The following RBMS3 variants were observed in gnomAD, a reference collection of about 807,000 sequenced individuals.
RBMS3 encodes the protein RNA binding motif single stranded interacting protein 3, also known as RNA-binding motif, single-stranded-interacting protein 3.
In RBMS3, 27 loss-of-function variants were observed where a neutral mutation model predicts 66.8. The observed-to-expected ratio is 0.40, with a 90% confidence interval of 0.30 to 0.56. RBMS3 has a LOEUF of 0.56. RBMS3 is among the 20% of genes least tolerant of loss of function. The probability of loss-of-function intolerance (pLI) is 0.40; values close to 1 mark genes in which losing one functional copy is unlikely to be tolerated. For missense variants in RBMS3, 513 were observed against 549.5 expected, an observed-to-expected ratio of 0.93 and a Z score of 0.66; for synonymous variants, 188 against 183.0, an observed-to-expected ratio of 1.03 and a Z score of -0.22.
At chr3:29,828,988 TTC>T (rs1035221998) in intron 6 of RBMS3, among the ~76,000 whole-genome samples, 3 of 39,170 alleles carry the variant, frequency 7.7e-5, no homozygotes, top group African/African-American at 2.7e-4. Context: ...CTTTCTTTCT[TTC>T]TTTCTTTCTT....
chr3:29,468,275 T>C (rs186871697), intron 2 of RBMS3, among the ~76,000 whole-genome samples: 1 of 152,286 alleles, frequency 6.6e-6, no homozygotes, highest in African/African-American at 2.4e-5. Flanking sequence ...GACCAGAAGA[T>C]CTCTATGTCC....
chr3:29,295,367 A>T (rs1282857965), intron 1 of RBMS3, among the ~76,000 whole-genome samples: 1 of 146,292 alleles, frequency 6.8e-6, no homozygotes, highest in African/African-American at 2.5e-5. Context: ...ACACACACAT[A>T]TATATATATA....
chr3:29,931,893 T>G (rs1218219157), intron 10 of RBMS3, among the ~76,000 whole-genome samples: 2 of 152,194 alleles, frequency 1.3e-5, no homozygotes, highest in Non-Finnish European at 2.9e-5. Context: ...AAAACCACCT[T>G]TTTAAAATTC....
chr3:29,412,392 T>A (rs1485371490), intron 1 of RBMS3, among the ~76,000 whole-genome samples: 2 of 152,150 alleles, frequency 1.3e-5, no homozygotes, highest in Non-Finnish European at 2.9e-5. Flanking sequence ...AATACATTTA[T>A]TATAGTTCCC....
chr3:29,714,131 G>A (rs1488102536), intron 4 of RBMS3, among the ~76,000 whole-genome samples: 2 of 152,102 alleles, frequency 1.3e-5, no homozygotes, highest in Non-Finnish European at 1.5e-5. Flanking sequence ...TATAAGCCAG[G>A]ATCTCTTCTA....
At chr3:29,563,045 C>T (rs986852207) in intron 3 of RBMS3, among the ~76,000 whole-genome samples, 1 of 152,104 alleles carries the variant, frequency 6.6e-6, no homozygotes, top group Non-Finnish European at 1.5e-5. Context: ...AGATTTAACG[C>T]TTTGATCTGG....
At chr3:29,408,811 A>G (rs527517459) in intron 1 of RBMS3, among the ~76,000 whole-genome samples, 1 of 152,330 alleles carries the variant, frequency 6.6e-6, no homozygotes, top group South Asian at 2.1e-4. Flanking sequence ...ATCAGCTGTG[A>G]TGAGCCTGAG....
At chr3:29,857,057 T>C (rs67348516) in intron 6 of RBMS3, among the ~76,000 whole-genome samples, 30,636 of 152,076 alleles carry the variant, frequency 0.2, 4,170 homozygotes, top group African/African-American at 0.39. Flanking sequence ...AAGCAAGGTT[T>C]TCATTCTAGC....
chr3:29,997,058 A>G (rs1212125981), intron 14 of RBMS3, among the ~76,000 whole-genome samples: 1 of 151,832 alleles, frequency 6.6e-6, no homozygotes, highest in Non-Finnish European at 1.5e-5. Flanking sequence ...AGAATCAAAT[A>G]GACGCAATAA....
chr3:29,372,322 C>T (rs898510154), intron 1 of RBMS3, among the ~76,000 whole-genome samples: 1 of 151,666 alleles, frequency 6.6e-6, no homozygotes, highest in Non-Finnish European at 1.5e-5. Context: ...GAGCAAGACT[C>T]TGTCTCAAAA....
At chr3:29,397,072 C>T (rs2125656943) in intron 1 of RBMS3, among the ~76,000 whole-genome samples, 1 of 152,120 alleles carries the variant, frequency 6.6e-6, no homozygotes, top group South Asian at 2.1e-4. Flanking sequence ...AATGTCTGTG[C>T]CTCGTATGTG....
At chr3:29,525,405 G>A (rs1334167845) in intron 3 of RBMS3, among the ~76,000 whole-genome samples, 1 of 152,110 alleles carries the variant, frequency 6.6e-6, no homozygotes, top group African/African-American at 2.4e-5. Context: ...CCTAAACTTG[G>A]ACCTTTTGTC....
chr3:29,397,209 T>C (rs1465152651), intron 1 of RBMS3, among the ~76,000 whole-genome samples: 1 of 152,152 alleles, frequency 6.6e-6, no homozygotes, highest in Non-Finnish European at 1.5e-5. Context: ...CATGGCAGAT[T>C]AGGAGTTTGT....
chr3:29,510,568 AT>A (rs111378775), intron 3 of RBMS3, among the ~76,000 whole-genome samples: 8 of 151,514 alleles, frequency 5.3e-5, no homozygotes, highest in Middle Eastern at 3.4e-3. Flanking sequence ...CAGATTTCAG[AT>A]TTTTTTTTCA....
intron 1 of RBMS3, among the ~76,000 whole-genome samples, chr3:29,361,230 T>C (rs2037563703): frequency 1.3e-5 from 2 of 152,084 alleles, no homozygotes; most frequent in Non-Finnish European, 2.9e-5. Flanking sequence ...GGAGCTCTTG[T>C]AGGGCAGGCC....
At chr3:29,979,031 G>C (rs1222266076) in intron 12 of RBMS3, among the ~76,000 whole-genome samples, 1 of 151,980 alleles carries the variant, frequency 6.6e-6, no homozygotes, top group East Asian at 1.9e-4. Context: ...ACTTGGGAGG[G>C]TGAGGCGGGA....
chr3:29,835,219 G>A (rs1416063944), intron 6 of RBMS3, among the ~76,000 whole-genome samples: 1 of 151,882 alleles, frequency 6.6e-6, no homozygotes, highest in Non-Finnish European at 1.5e-5. Flanking sequence ...TCTCAATAAC[G>A]AATAGATCGT....
At chr3:29,952,400 G>A (rs1695742276) in intron 12 of RBMS3, among the ~76,000 whole-genome samples, 1 of 151,746 alleles carries the variant, frequency 6.6e-6, no homozygotes, top group Non-Finnish European at 1.5e-5. Flanking sequence ...GATATATTAT[G>A]TTTCTTGCAT....
intron 6 of RBMS3, among the ~76,000 whole-genome samples, chr3:29,845,386 C>T (rs1419823427): frequency 6.6e-6 from 1 of 152,114 alleles, no homozygotes; most frequent in Non-Finnish European, 1.5e-5. Flanking sequence ...AAAGTGCTGC[C>T]ATTTAGTAAG....
Sources: allele counts gnomAD v4.1 joint callset (sites outside exome capture counted in the v4.1 genomes callset), GRCh38; gene constraint gnomAD v4.1.1; transcripts MANE v1.5; gene names NCBI Gene and HGNC (gene_info 2026-07-23, HGNC 2026-07-21).